The following ZNF326 variants were observed in gnomAD, a reference collection of about 807,000 sequenced individuals.
ZNF326 encodes the protein zinc finger protein 326, also known as DBIRD complex subunit ZNF326.
Under a neutral mutation model 63.1 loss-of-function variants are expected in ZNF326, and 30 were observed. The ratio of observed to expected loss-of-function variants is 0.48; its 90% CI spans 0.36 to 0.64. ZNF326 has a LOEUF of 0.64. Among genes scored for constraint, ZNF326 ranks in the 30% least tolerant of loss-of-function variants. The pLI is 0.00. For synonymous variants in ZNF326, 194 were observed against 228.2 expected, an observed-to-expected ratio of 0.85 and a Z score of 1.35; for missense variants, 609 against 720.3, an observed-to-expected ratio of 0.85 and a Z score of 1.77.
intron 2 of ZNF326, among the ~76,000 whole-genome samples, chr1:90,004,649 G>A (rs1648867410): frequency 6.6e-6 from 1 of 152,054 alleles, no homozygotes. Context: ...CCAGGAGTTC[G>A]AGACCAGCCT....
Position 90,006,274 on chromosome 1 carries a change from CTATT to C in ZNF326, c.209+1033_209+1036del, listed in dbSNP as rs1449587369. Reference sequence around the variant, plus strand: ...TGGTTACTAGGATTCAGAAGTAAATCTATTTAGTGATCTGTAAATAATTGAAGTA... The same window carrying C: ...TGGTTACTAGGATTCAGAAGTAAATCTAGTGATCTGTAAATAATTGAAGTA... On this transcript the variant is annotated intron_variant, in intron 4 of 11. Coordinates refer to ENST00000340281, the MANE Select transcript of ZNF326 (RefSeq NM_182976.4). The C allele has an allele frequency of 6.1e-6, 6 of 981,496 alleles. No individual in the cohort carries two copies. In the East Asian group the frequency reaches 4.5e-4, roughly 74 times the overall value. 60.8% of individuals were successfully genotyped at this position (981,496 alleles called of 1,614,324 possible).
chr1:89,996,493 A>G (rs1648380682), intron 1 of ZNF326, among the ~76,000 whole-genome samples: 1 of 152,256 alleles, frequency 6.6e-6, no homozygotes, highest in Admixed American at 6.5e-5. Flanking sequence ...TTGAAATAGT[A>G]AGTTCAGCTC....
chr1:90,020,321 T>TA (rs568665988), intron 9 of ZNF326, among the ~76,000 whole-genome samples: 181 of 152,186 alleles, frequency 1.2e-3, no homozygotes, highest in African/African-American at 4.3e-3. Flanking sequence ...ACCATTCTCT[T>TA]ACACCCTTCC....
At chr1:90,024,789 T>C (rs1433543199) in intron 11 of ZNF326, among the ~76,000 whole-genome samples, 1 of 152,106 alleles carries the variant, frequency 6.6e-6, no homozygotes, top group African/African-American at 2.4e-5. Context: ...CCACTTCCCA[T>C]ATGCTTATTT....
rs958896630 is a variant in ZNF326, at chr1:90,033,047, G to C, written c.*5346G>C. The stretch of plus-strand genomic sequence containing the variant: ...CTTCCTCACACAATTAAAATGCTAG[G>C]TTTCCTGTAATCGCAATCTTCAGGG... On this transcript the variant is annotated 3_prime_UTR_variant, in exon 12 of 12. Coordinates refer to ENST00000340281, the MANE Select transcript of ZNF326 (RefSeq NM_182976.4). 1 of 151,972 alleles carries C rather than the reference G, an allele frequency of 6.6e-6. No individual in the cohort carries two copies. The highest frequency in any genetic ancestry group is 2.4e-5 in the African/African-American group (1 of 41,368). 9.4% of individuals were successfully genotyped at this position (151,972 alleles called of 1,614,324 possible).
chr1:89,996,136 G>A (rs1648359804), intron 1 of ZNF326, among the ~76,000 whole-genome samples: 1 of 152,118 alleles, frequency 6.6e-6, no homozygotes, highest in Admixed American at 6.5e-5. Flanking sequence ...TATTAATTTG[G>A]TCTTCACTTT....
chr1:90,020,606 G>A (rs757806144), intron 9 of ZNF326, among the ~76,000 whole-genome samples, 186 bp from the exon 10 acceptor site: 9 of 151,972 alleles, frequency 5.9e-5, no homozygotes, highest in African/African-American at 1.2e-4. Context: ...ATTTTAGTTA[G>A]CAATATAGTA....
chr1:90,013,105 CT>C lies in ZNF326; in HGVS notation c.815-15del. On this transcript the variant is annotated intron_variant, in intron 6 of 11. Coordinates refer to ENST00000340281, the MANE Select transcript of ZNF326 (RefSeq NM_182976.4). ...ATGGAAAAATGAATTTTAGCTTTTA[CT>C]TTTTTGTGTAATATCCTAGCAAAAA... 1 of 1,587,962 alleles carries C rather than the reference CT, an allele frequency of 6.3e-7. No homozygotes were observed. The highest frequency in any genetic ancestry group is 1.1e-5 in the South Asian group (1 of 87,288).
chr1:90,029,472 G>A lies in ZNF326; in HGVS notation c.*1771G>A, dbSNP rs1650169064. The A allele has an allele frequency of 6.6e-6, 1 of 152,226 alleles. No homozygotes were observed. The highest frequency in any genetic ancestry group is 3.4e-3 in the Middle Eastern group (1 of 292). The allele number at this position is 152,226 out of a possible 1,614,324, so 9.4% of individuals were successfully genotyped here. A position where few individuals can be genotyped will look rare whatever the true frequency, so the allele number is the denominator to read the frequency against. On this transcript the variant is annotated 3_prime_UTR_variant, in exon 12 of 12. Transcript: ENST00000340281. Reference sequence around the variant, plus strand: ...CTTTTGAAAGCCGTTTTGCTTAGGAGTTCAAATTTTAAGGATAATAGGACT... The same window carrying A: ...CTTTTGAAAGCCGTTTTGCTTAGGAATTCAAATTTTAAGGATAATAGGACT...
rs188956735 is a variant in ZNF326 at position 90,001,955 on chromosome 1, T to C, written c.62-3048T>C. 3.5e-4 allele frequency among the ~76,000 whole-genome samples: 53 copies of C among 152,310 alleles called. No homozygotes were observed. The East Asian group carries it at 9.2e-3, about 27-fold the overall frequency. ...ATTTTTGAGCGTATTATTTGTATGATAGAGTGATCCAAGTGATAGAATATA... is the reference window on the plus strand; with the variant it reads ...ATTTTTGAGCGTATTATTTGTATGACAGAGTGATCCAAGTGATAGAATATA... On this transcript the variant is annotated intron_variant, in intron 2 of 11. Transcript: ENST00000340281.
At chr1:90,022,112 A>C (rs1649797762) in intron 10 of ZNF326, 138 bp from the exon 11 acceptor site, 1 of 630,840 alleles carries the variant, frequency 1.6e-6, no homozygotes, top group South Asian at 2.1e-5. Flanking sequence ...TGGTTATAGT[A>C]GTTGCTATTG....
chr1:90,001,239 A>G (rs1648660838), intron 2 of ZNF326, among the ~76,000 whole-genome samples: 6 of 152,166 alleles, frequency 3.9e-5, no homozygotes, highest in Admixed American at 3.9e-4. Flanking sequence ...GTTAAGAACC[A>G]CTGGTATAGG....
chr1:90,002,543 A>T (rs1374123757), intron 2 of ZNF326, among the ~76,000 whole-genome samples: 1 of 152,196 alleles, frequency 6.6e-6, no homozygotes, highest in Non-Finnish European at 1.5e-5. Flanking sequence ...CCTCTGAGAG[A>T]TATGAGCATA....
In ZNF326 at chr1:90,017,423, A is replaced by G; in HGVS notation, c.1033A>G (p.Lys345Glu). The G allele has an allele frequency of 6.3e-7, 1 of 1,596,474 alleles. No homozygotes were observed. The highest frequency in any genetic ancestry group is 8.5e-7 in the Non-Finnish European group (1 of 1,175,304). The change falls in exon 8 of 12, where the codon AAA becomes GAA. Residue 345 changes from lysine to glutamate, a missense_variant. This residue lies in a region of ZNF326 where 399 missense variants were observed against 444.3 expected (regional missense o/e 0.90). Coordinates refer to ENST00000340281, the MANE Select transcript of ZNF326 (RefSeq NM_182976.4). The stretch of plus-strand genomic sequence containing the variant: ...TCAGGAAACATTAGATCATATACAG[A>G]AACAAACTAAATTTGATAAAGTAGT... ...SHQETLDHIQ[K>E]QTKFDKVVME...
chr1:89,997,251 A>G (rs1228695777), intron 1 of ZNF326, among the ~76,000 whole-genome samples: 1 of 152,268 alleles, frequency 6.6e-6, no homozygotes, highest in Admixed American at 6.5e-5. Flanking sequence ...TAAAGAATTT[A>G]ACAGTTGTTA....
intron 5 of ZNF326, among the ~76,000 whole-genome samples, chr1:90,008,639 A>G (rs1649101664): frequency 6.6e-6 from 1 of 152,168 alleles, no homozygotes; most frequent in Admixed American, 6.5e-5. Context: ...TTTTGTTATA[A>G]TGTAAGAATC....
Position 90,028,601 on chromosome 1 carries a change from T to A in ZNF326, c.*900T>A. 6.6e-6 allele frequency: 1 copy of A among 152,210 alleles called. No individual in the cohort carries two copies. The highest frequency in any genetic ancestry group is 1.5e-5 in the Non-Finnish European group (1 of 68,020). The allele number at this position is 152,210 out of a possible 1,614,324, so 9.4% of individuals were successfully genotyped here. On this transcript the variant is annotated 3_prime_UTR_variant, in exon 12 of 12. Coordinates refer to ENST00000340281, the MANE Select transcript of ZNF326 (RefSeq NM_182976.4). ...GCTGAAGAACCAAGAAGCAGACTTT[T>A]CTTTTAAAAGAATTATTTCTCTTTC...
chr1:90,018,121 G>A (rs900547875), intron 8 of ZNF326, among the ~76,000 whole-genome samples: 3 of 151,916 alleles, frequency 2.0e-5, no homozygotes, highest in African/African-American at 7.3e-5. Flanking sequence ...GTGAAACCCC[G>A]TCTTTACTAA....
intron 9 of ZNF326, among the ~76,000 whole-genome samples, chr1:90,019,867 TCA>T (rs1649681930): frequency 6.6e-6 from 1 of 152,100 alleles, no homozygotes; most frequent in African/African-American, 2.4e-5. Flanking sequence ...AAACAAAACC[TCA>T]CAGTTTTTTC....
Sources: gnomAD v4.1 joint callset for allele counts (sites outside exome capture counted in the v4.1 genomes callset) on GRCh38, gnomAD v4.1.1 for gene constraint, gnomAD v4.1.1 regional missense constraint, MANE v1.5 for transcripts, NCBI Gene and HGNC (gene_info 2026-07-23, HGNC 2026-07-21) for gene names.